Variants in PLCL1 observed in about 807,000 individuals in gnomAD.
The protein encoded by PLCL1 is inactive phospholipase C-like protein 1.
PLCL1 carries 41 observed loss-of-function variants against 84.4 expected under a neutral mutation model. The ratio of observed to expected loss-of-function variants is 0.49; its 90% CI spans 0.38 to 0.63. The LOEUF (loss-of-function observed/expected upper bound fraction) is 0.63, where lower values mean the gene tolerates loss of function less well. Among genes scored for constraint, PLCL1 ranks in the 30% least tolerant of loss-of-function variants. The pLI is 0.00. For synonymous variants in PLCL1, 490 were observed against 488.3 expected (o/e 1.00, Z -0.05); for missense variants, 1,206 against 1,367.8 (o/e 0.88, Z 1.87).
intron 1 of PLCL1, among the ~76,000 whole-genome samples, chr2:197,899,857 G>T (rs1476729698): frequency 6.6e-6 from 1 of 151,854 alleles, no homozygotes; most frequent in South Asian, 2.1e-4. Flanking sequence ...GGATGGTCTC[G>T]ATCTCCTGAC....
intron 1 of PLCL1, among the ~76,000 whole-genome samples, chr2:197,845,305 A>G (rs1202110960): frequency 6.6e-6 from 1 of 152,112 alleles, no homozygotes; most frequent in African/African-American, 2.4e-5. Flanking sequence ...AAGTGTGTGT[A>G]ATTGAAGAGG....
In PLCL1 at chr2:197,933,077, A is replaced by C. The variant is rs1688973923; in HGVS notation, c.240+127738A>C. On this transcript the variant is annotated intron_variant, in intron 1 of 5. Coordinates refer to ENST00000428675, the MANE Select transcript of PLCL1 (RefSeq NM_006226.4). ...CTGCTTTTTAAAATGCTTGCCCTTG[A>C]CTTAAAGGTATGAAAAGAGAATTTT... Among the ~76,000 whole-genome samples the C allele has an allele frequency of 3.3e-5, 5 of 152,312 alleles. No individual in the cohort carries two copies. In the South Asian group the frequency reaches 1.0e-3, roughly 32 times the overall value.
chr2:198,033,896 C>T (rs1465794796), intron 1 of PLCL1, among the ~76,000 whole-genome samples: 1 of 147,058 alleles, frequency 6.8e-6, no homozygotes, highest in African/African-American at 2.5e-5. Context: ...CGCAGCCTGC[C>T]CTGTCCTGCC....
intron 1 of PLCL1, among the ~76,000 whole-genome samples, chr2:198,018,957 T>C (rs905122261): frequency 6.6e-6 from 1 of 151,934 alleles, no homozygotes; most frequent in Non-Finnish European, 1.5e-5. Flanking sequence ...CCAGCAGGGG[T>C]CGAGAGACAC....
At chr2:197,930,257 T>C (rs905058420) in intron 1 of PLCL1, among the ~76,000 whole-genome samples, 1 of 152,202 alleles carries the variant, frequency 6.6e-6, no homozygotes, top group African/African-American at 2.4e-5. Context: ...AAAATATCAG[T>C]CAAGGAGAAT....
intron 1 of PLCL1, among the ~76,000 whole-genome samples, chr2:197,867,685 C>T (rs985944908): frequency 1.3e-5 from 2 of 152,194 alleles, no homozygotes; most frequent in East Asian, 3.9e-4. Flanking sequence ...TGCTACACCT[C>T]GCTTCTCTGG....
intron 3 of PLCL1, among the ~76,000 whole-genome samples, chr2:198,100,814 G>C (rs546028965): frequency 2.5e-4 from 38 of 151,982 alleles, no homozygotes; most frequent in African/African-American, 5.8e-4. Context: ...GGAGTGGGGT[G>C]GGGGAGAGAC....
At chr2:198,053,607 G>T (rs1213765392) in intron 1 of PLCL1, among the ~76,000 whole-genome samples, 1 of 152,152 alleles carries the variant, frequency 6.6e-6, no homozygotes, top group East Asian at 1.9e-4. Flanking sequence ...CCTCTTTTTA[G>T]AATGTTGGAG....
chr2:197,993,572 G>T (rs753018663), intron 1 of PLCL1, among the ~76,000 whole-genome samples: 5 of 152,048 alleles, frequency 3.3e-5, no homozygotes, highest in Non-Finnish European at 5.9e-5. Context: ...TAACAGTGTA[G>T]AGTCATTATC....
chr2:198,084,835 C>G lies in PLCL1; in HGVS notation c.1318C>G (p.Arg440Gly). The G allele has an allele frequency of 6.2e-7, 1 of 1,613,850 alleles. No individual in the cohort carries two copies. Among genetic ancestry groups the G allele is most frequent in the Non-Finnish European group, 8.5e-7 (1 of 1,179,910 alleles). The change falls in exon 2 of 6, where the codon CGA (arginine) becomes GGA (glycine). Residue 440 changes from arginine to glycine, a missense_variant. By Grantham distance (125) the Arg-to-Gly change is moderately radical. Transcript: ENST00000428675. ...GYIRALKMGC[R>G]SVELDVSDGS... ...CATTAGAGCTTTGAAAATGGGCTGT[C>G]GAAGCGTTGAACTCGATGTAAGTGA...
chr2:198,089,889 T>TC (rs1692978646), intron 3 of PLCL1, among the ~76,000 whole-genome samples: 1 of 152,158 alleles, frequency 6.6e-6, no homozygotes, highest in East Asian at 1.9e-4. Flanking sequence ...AGTAAGATAT[T>TC]CCCCTCACCA....
At chr2:198,042,064 C>A (rs1691679318) in intron 1 of PLCL1, among the ~76,000 whole-genome samples, 1 of 152,172 alleles carries the variant, frequency 6.6e-6, no homozygotes, top group South Asian at 2.1e-4. Flanking sequence ...TAGGGCAGCT[C>A]TGTGATCGTG....
Position 198,085,662 on chromosome 2 carries a change from A to G in PLCL1, c.2145A>G (p.Leu715=). Residue 715 remains leucine, a synonymous_variant, in exon 2 of 6, where the codon CTA becomes CTG. Coordinates refer to ENST00000428675, the MANE Select transcript of PLCL1 (RefSeq NM_006226.4). This position sits in a 1 kb window ranked among gnomAD's most constrained non-coding sequence, Gnocchi z 5.3. ...TCAGCGCAAATACAAAGGGCATTCT[A>G]CCTGGGGTGTCTCCTCTAGCTCTTC... ...SYFSANTKGI[L]PGVSPLALHI... 6.2e-7 allele frequency: 1 copy of G among 1,614,094 alleles called. No homozygotes were observed. The highest frequency in any genetic ancestry group is 8.5e-7 in the Non-Finnish European group (1 of 1,179,958).
rs748596724 is a variant in PLCL1 at position 198,083,929 on chromosome 2, G to T, written c.412G>T (p.Asp138Tyr). 1.2e-6 allele frequency: 2 copies of T among 1,614,072 alleles called. No individual in the cohort carries two copies. Among genetic ancestry groups the T allele is most frequent in the South Asian group, 2.2e-5 (2 of 91,078 alleles). The stretch of plus-strand genomic sequence containing the variant: ...CATTTACAACCGTTTTTTCACTCTG[G>T]ACACAGACCTTCAAGCTCTTCGCTG... ...SRIYNRFFTL[D>Y]TDLQALRWEP... The change falls in exon 2 of 6, where the codon GAC (aspartate) becomes TAC (tyrosine). Residue 138 changes from aspartate (D) to tyrosine (Y), a missense_variant. Physicochemically the swap from Asp to Tyr is radical, Grantham distance 160. Transcript: ENST00000428675.
Position 197,804,839 on chromosome 2 carries a change from C to T in PLCL1, c.-261C>T. The T allele has an allele frequency of 5.1e-6, 2 of 391,884 alleles. No individual in the cohort carries two copies. The highest frequency in any genetic ancestry group is 4.5e-6 in the Non-Finnish European group (1 of 220,322). The allele number at this position is 391,884 out of a possible 1,614,324, so 24.3% of individuals were successfully genotyped here. Reference sequence around the variant, plus strand: ...CGCCTCTCCTTCTGCCTCCCGCTCACATCGCCTCCCCACTCCCGCCACCGT... The same window carrying T: ...CGCCTCTCCTTCTGCCTCCCGCTCATATCGCCTCCCCACTCCCGCCACCGT... On this transcript the variant is annotated 5_prime_UTR_variant, in exon 1 of 6. Transcript: ENST00000428675.
intron 1 of PLCL1, among the ~76,000 whole-genome samples, chr2:197,891,735 T>G (rs6734096): frequency 0.51 from 77,121 of 151,968 alleles, 20,328 homozygotes; most frequent in African/African-American, 0.63. Flanking sequence ...GTTATTTTTA[T>G]CAACAATAAA....
intron 5 of PLCL1, among the ~76,000 whole-genome samples, chr2:198,140,959 G>C (rs1383429456): frequency 8.5e-5 from 13 of 152,064 alleles, no homozygotes; most frequent in Admixed American, 8.5e-4. Context: ...AAAATCTAAT[G>C]TCTCAGGTGA....
chr2:198,138,660 C>T (rs1694313024), intron 5 of PLCL1, among the ~76,000 whole-genome samples: 1 of 152,066 alleles, frequency 6.6e-6, no homozygotes. Flanking sequence ...GAATAATTTA[C>T]TCACCTTGGG....
At chr2:197,915,056 C>G (rs886335081) in intron 1 of PLCL1, among the ~76,000 whole-genome samples, 3 of 152,112 alleles carry the variant, frequency 2.0e-5, no homozygotes, top group Non-Finnish European at 4.4e-5. Flanking sequence ...CCCAAGGAGC[C>G]AAAATACCAT....
Sources: gnomAD v4.1 joint callset for allele counts (sites outside exome capture counted in the v4.1 genomes callset) on GRCh38, gnomAD v4.1.1 for gene constraint, Gnocchi (gnomAD v3.1) non-coding constraint, MANE v1.5 for transcripts, NCBI Gene and HGNC (gene_info 2026-07-23, HGNC 2026-07-21) for gene names.